The following HYAL4 variants were observed in gnomAD, a reference collection of about 807,000 sequenced individuals.
The protein encoded by HYAL4 is hyaluronidase-4.
In HYAL4, 37 loss-of-function variants were observed where a neutral mutation model predicts 35.2. That is an observed-to-expected ratio of 1.05 (90% CI 0.81 to 1.38). HYAL4 has a LOEUF of 1.38. Among genes scored for constraint, HYAL4 ranks in the 40% most tolerant of loss-of-function variants. HYAL4 has a pLI of 0.00. For synonymous variants in HYAL4, 198 were observed against 203.2 expected (o/e 0.97, Z 0.22); for missense variants, 572 against 572.4 (o/e 1.00, Z 0.01).
chr7:123,798,755 G>T, the HYAL4 span, among the ~76,000 whole-genome samples: 1 of 152,176 alleles, frequency 6.6e-6, no homozygotes, highest in African/African-American at 2.4e-5. Flanking sequence ...AAAAGTCCAT[G>T]CAGATTTCTC....
chr7:123,785,539 C>G, the HYAL4 span, among the ~76,000 whole-genome samples: 1 of 152,172 alleles, frequency 6.6e-6, no homozygotes, highest in Non-Finnish European at 1.5e-5. The surrounding 1 kb of genome is among the most constrained non-coding windows in gnomAD (Gnocchi z 4.5). Flanking sequence ...TTAACCTTGT[C>G]TAAGGCAAGT....
At chr7:123,869,321 A>G (rs1207475233) in intron 3 of HYAL4, 94 bp downstream of exon 3, 11 of 884,170 alleles carry the variant, frequency 1.2e-5, no homozygotes, top group Non-Finnish European at 1.8e-5. Context: ...ATTGATTTCA[A>G]TTAATGGTTT....
At chr7:123,860,137 T>G (rs1428765882) in intron 2 of HYAL4, among the ~76,000 whole-genome samples, 1 of 152,190 alleles carries the variant, frequency 6.6e-6, no homozygotes, top group East Asian at 1.9e-4. Flanking sequence ...AAGTTCCTCC[T>G]TCATAACACT....
upstream of HYAL4, among the ~76,000 whole-genome samples, chr7:123,844,630 G>T (rs556182436): frequency 3.3e-5 from 5 of 152,190 alleles, no homozygotes; most frequent in Non-Finnish European, 7.3e-5. Flanking sequence ...GCTATGTCCT[G>T]CCCACAGAGA....
chr7:123,766,717 T>C, the HYAL4 span, among the ~76,000 whole-genome samples: 2 of 152,148 alleles, frequency 1.3e-5, no homozygotes, highest in African/African-American at 4.8e-5. Context: ...AGAAATTTGT[T>C]TTGGAATTTG....
intron 1 of HYAL4, among the ~76,000 whole-genome samples, chr7:123,830,923 G>A (rs775813406): frequency 6.6e-6 from 1 of 151,828 alleles, no homozygotes; most frequent in Non-Finnish European, 1.5e-5. Flanking sequence ...ACATTTCTAA[G>A]TCTTTGTCTT....
chr7:123,844,969 C>T (rs924439403), upstream of HYAL4: 1 of 152,210 alleles, frequency 6.6e-6, no homozygotes, highest in Non-Finnish European at 1.5e-5. Flanking sequence ...CCCCCAATCT[C>T]TTACACTTCC....
the HYAL4 span, among the ~76,000 whole-genome samples, chr7:123,813,501 A>G: frequency 6.6e-6 from 1 of 152,126 alleles, no homozygotes; most frequent in Non-Finnish European, 1.5e-5. Context: ...TTATATGCCT[A>G]AGAAGATGAT....
upstream of HYAL4, among the ~76,000 whole-genome samples, chr7:123,844,825 G>A (rs1457985428): frequency 6.6e-6 from 1 of 152,164 alleles, no homozygotes; most frequent in Non-Finnish European, 1.5e-5. Context: ...TGTGGGCGTG[G>A]GACCCACCGA....
At chr7:123,821,785 T>A in the HYAL4 span, among the ~76,000 whole-genome samples, 1 of 152,212 alleles carries the variant, frequency 6.6e-6, no homozygotes, top group African/African-American at 2.4e-5. Flanking sequence ...CGGTCTAATG[T>A]TAAATAAGTC....
the HYAL4 span, among the ~76,000 whole-genome samples, chr7:123,764,380 T>G: frequency 6.6e-6 from 1 of 152,218 alleles, no homozygotes; most frequent in Non-Finnish European, 1.5e-5. Flanking sequence ...TTGCATCTAA[T>G]CCCCTCACAG....
At chr7:123,795,471 G>T in the HYAL4 span, among the ~76,000 whole-genome samples, 2 of 152,176 alleles carry the variant, frequency 1.3e-5, no homozygotes, top group African/African-American at 4.8e-5. Flanking sequence ...ATCCTCATGT[G>T]TCATGGGAGG....
chr7:123,841,933 C>A (rs1806079503), upstream of HYAL4, among the ~76,000 whole-genome samples: 2 of 151,846 alleles, frequency 1.3e-5, no homozygotes, highest in Admixed American at 1.3e-4. Context: ...TTGATCTTTT[C>A]AAAAAACCAG....
chr7:123,827,471 C>T (rs774249768), upstream of HYAL4, among the ~76,000 whole-genome samples: 2 of 151,032 alleles, frequency 1.3e-5, no homozygotes, highest in Non-Finnish European at 3.0e-5. Flanking sequence ...TGCCCTTTTC[C>T]CCTTCCTTCT....
At chr7:123,865,585 G>A (rs1806669346) in intron 2 of HYAL4, among the ~76,000 whole-genome samples, 1 of 152,130 alleles carries the variant, frequency 6.6e-6, no homozygotes. Context: ...AAATACTGGT[G>A]TTTTGTGTTT....
chr7:123,829,729 G>C (rs945500811), intron 1 of HYAL4, among the ~76,000 whole-genome samples: 1 of 152,146 alleles, frequency 6.6e-6, no homozygotes, highest in Non-Finnish European at 1.5e-5. Flanking sequence ...AGCAACTTCA[G>C]CCTGAGGTGG....
intron 2 of HYAL4, among the ~76,000 whole-genome samples, chr7:123,859,212 TAAAA>T (rs1806528051): frequency 6.6e-6 from 1 of 152,138 alleles, no homozygotes; most frequent in South Asian, 2.1e-4. Context: ...TAGTCAAAGA[TAAAA>T]AAGAAAGAAC....
chr7:123,791,089 G>A, the HYAL4 span, among the ~76,000 whole-genome samples: 8 of 151,962 alleles, frequency 5.3e-5, no homozygotes, highest in African/African-American at 1.2e-4. Context: ...TATTTTTTTC[G>A]AAGAATAAAT....
chr7:123,818,596 G>A, the HYAL4 span, among the ~76,000 whole-genome samples: 1 of 152,088 alleles, frequency 6.6e-6, no homozygotes, highest in African/African-American at 2.4e-5. Context: ...AGACTAAAAA[G>A]CATTCCTTCA....
Sources: gnomAD v4.1 joint callset for allele counts (sites outside exome capture counted in the v4.1 genomes callset) on GRCh38, gnomAD v4.1.1 for gene constraint, Gnocchi (gnomAD v3.1) non-coding constraint, MANE v1.5 for transcripts, NCBI Gene and HGNC (gene_info 2026-07-23, HGNC 2026-07-21) for gene names.